MRAP2: variants seen among roughly 807,000 people sequenced by gnomAD.
MRAP2 encodes the protein melanocortin-2 receptor accessory protein 2.
A neutral mutation model predicts 17.4 loss-of-function variants in MRAP2; 20 were observed. That is an observed-to-expected ratio of 1.15 (90% confidence interval 0.81 to 1.67). MRAP2 has a LOEUF of 1.67. Ranked by LOEUF, MRAP2 falls within the 40% of genes most tolerant of loss-of-function variation. The pLI is 0.00. For synonymous variants in MRAP2, 96 were observed against 88.4 expected, an observed-to-expected ratio of 1.09 and a Z score of -0.48; for missense variants, 238 against 240.0, an observed-to-expected ratio of 0.99 and a Z score of 0.05.
the MRAP2 span, among the ~76,000 whole-genome samples, chr6:84,100,748 T>C: frequency 6.6e-6 from 1 of 152,192 alleles, no homozygotes; most frequent in African/African-American, 2.4e-5. Context: ...TATATTCACA[T>C]TTGGCTATAT....
chr6:84,039,988 C>A (rs2099487100), intron 1 of MRAP2, among the ~76,000 whole-genome samples: 1 of 150,352 alleles, frequency 6.7e-6, no homozygotes, highest in African/African-American at 2.5e-5. Flanking sequence ...GATCAACTAT[C>A]TAATATAAAA....
chr6:84,124,252 T>C, the MRAP2 span: 1 of 152,012 alleles, frequency 6.6e-6, no homozygotes, highest in Non-Finnish European at 1.5e-5. Context: ...AAAAAAGATA[T>C]CTGTACATGT....
chr6:84,092,126 T>TGCTTTAACCATC (rs1200616173), downstream of MRAP2, among the ~76,000 whole-genome samples: 3 of 152,198 alleles, frequency 2.0e-5, no homozygotes, highest in Admixed American at 2.0e-4. Flanking sequence ...ACTTTACATC[T>TGCTTTAACCATC]CTGTCTTTAA....
At chr6:84,067,035 C>G (rs1414452297) in intron 3 of MRAP2, among the ~76,000 whole-genome samples, 2 of 152,010 alleles carry the variant, frequency 1.3e-5, no homozygotes, top group African/African-American at 4.8e-5. Context: ...CCCTCACCCC[C>G]TCCTTCTCGT....
chr6:84,100,724 A>G, the MRAP2 span, among the ~76,000 whole-genome samples: 1 of 152,160 alleles, frequency 6.6e-6, no homozygotes, highest in Non-Finnish European at 1.5e-5. Context: ...ACACTTCATA[A>G]CATTTTTATT....
chr6:84,140,935 A>C, the MRAP2 span, among the ~76,000 whole-genome samples: 1 of 152,082 alleles, frequency 6.6e-6, no homozygotes, highest in African/African-American at 2.4e-5. Context: ...GGAAAGAGGG[A>C]GGATGGTTTT....
At chr6:84,107,161 G>C in the MRAP2 span, among the ~76,000 whole-genome samples, 5,388 of 152,104 alleles carry the variant, frequency 0.035, 309 homozygotes, top group African/African-American at 0.12. Flanking sequence ...TGTTGGAGAG[G>C]CTTCTCCTAT....
intron 3 of MRAP2, chr6:84,063,310 A>T: frequency 1.0e-6 from 1 of 985,098 alleles, no homozygotes; most frequent in East Asian, 1.1e-4. Context: ...TCATATTCCC[A>T]AAAGGATTTA....
Position 84,089,446 on chromosome 6 carries a change from C to G in MRAP2, c.583C>G (p.Pro195Ala). 2 of 1,613,816 alleles carry G rather than the reference C, an allele frequency of 1.2e-6. No individual in the cohort carries two copies. Among genetic ancestry groups the G allele is most frequent in the African/African-American group, 2.7e-5 (2 of 75,042 alleles). Residue 195 changes from proline to alanine, a missense_variant, in exon 4 of 4, where the codon CCA (proline) becomes GCA (alanine). Pro to Ala is a conservative substitution (Grantham distance 27, BLOSUM62 -1). Coordinates refer to ENST00000257776, the MANE Select transcript of MRAP2 (RefSeq NM_138409.4). ...ACCACCTATTGTTCTGGAAACTAAG[C>G]CACTTTCCCAGACCTCACACAAAGA... Reference protein sequence around the residue: ...SEPPIVLETKPLSQTSHKDLD With the variant: ...SEPPIVLETKALSQTSHKDLD
At chr6:84,127,706 C>T in the MRAP2 span, among the ~76,000 whole-genome samples, 1 of 152,052 alleles carries the variant, frequency 6.6e-6, no homozygotes, top group African/African-American at 2.4e-5. Context: ...AGTAATATTT[C>T]CAGCTGTTAC....
chr6:84,033,926 C>G (rs1213510561), intron 1 of MRAP2, 43 bp downstream of exon 1: 12 of 985,414 alleles, frequency 1.2e-5, no homozygotes, highest in Non-Finnish European at 1.2e-5. Context: ...GAGCAAAGCC[C>G]GGGCGCTGGG....
the MRAP2 span, among the ~76,000 whole-genome samples, chr6:84,112,813 C>T: frequency 6.6e-3 from 1,009 of 152,264 alleles, 7 homozygotes; most frequent in African/African-American, 0.023. Context: ...TTTGTTCTCA[C>T]TGGTTTCAAA....
intron 1 of MRAP2, among the ~76,000 whole-genome samples, chr6:84,038,155 C>G (rs2099486643): frequency 1.3e-5 from 2 of 152,214 alleles, no homozygotes; most frequent in Admixed American, 1.3e-4. Flanking sequence ...GGAGGAAGGG[C>G]TGGCCTAAGG....
rs1333666049 is a variant in MRAP2 at position 84,090,354 on chromosome 6, T to C, written c.*873T>C. 2.6e-5 allele frequency: 4 copies of C among 152,130 alleles called. No individual in the cohort carries two copies. The highest frequency in any genetic ancestry group is 9.7e-5 in the African/African-American group (4 of 41,432). 9.4% of individuals were successfully genotyped at this position (152,130 alleles called of 1,614,324 possible). On this transcript the variant is annotated 3_prime_UTR_variant, in exon 4 of 4. Coordinates refer to ENST00000257776, the MANE Select transcript of MRAP2 (RefSeq NM_138409.4). ...CAGTCATGGTGGCCAATGTTTCTGGTGGGTTGTGCTGAAACAGCTCTTCTG... is the reference window on the plus strand; with the variant it reads ...CAGTCATGGTGGCCAATGTTTCTGGCGGGTTGTGCTGAAACAGCTCTTCTG...
chr6:84,105,955 T>C, the MRAP2 span, among the ~76,000 whole-genome samples: 1 of 152,106 alleles, frequency 6.6e-6, no homozygotes, highest in African/African-American at 2.4e-5. Context: ...GCCATTCCCA[T>C]TTCCACCCCT....
chr6:84,063,216 T>TA, intron 3 of MRAP2: 15 of 985,378 alleles, frequency 1.5e-5, no homozygotes, highest in African/African-American at 1.7e-5. Context: ...TGAAATTGGG[T>TA]TTCTTGGTCC....
intron 1 of MRAP2, among the ~76,000 whole-genome samples, chr6:84,053,416 A>G (rs11965513): frequency 0.19 from 28,423 of 152,098 alleles, 2,675 homozygotes; most frequent in Middle Eastern, 0.31. Flanking sequence ...AATGTTGATC[A>G]TTTTAACTTT....
At chr6:84,081,815 C>T (rs935005651) in intron 3 of MRAP2, among the ~76,000 whole-genome samples, 10 of 151,190 alleles carry the variant, frequency 6.6e-5, no homozygotes, top group Non-Finnish European at 1.5e-4. Flanking sequence ...AAGACTCCAT[C>T]TTAAAAATGA....
chr6:84,121,030 AG>A, the MRAP2 span, among the ~76,000 whole-genome samples: 1 of 150,706 alleles, frequency 6.6e-6, no homozygotes, highest in South Asian at 2.1e-4. Context: ...ATATTTAGAT[AG>A]ATTATATAAA....
Sources: allele counts gnomAD v4.1 joint callset (sites outside exome capture counted in the v4.1 genomes callset), GRCh38; gene constraint gnomAD v4.1.1; transcripts MANE v1.5; gene names NCBI Gene and HGNC (gene_info 2026-07-23, HGNC 2026-07-21).